C11orf65: variants seen among roughly 807,000 people sequenced by gnomAD.
C11orf65 encodes the protein protein MFI.
In C11orf65, 38 loss-of-function variants were observed where a neutral mutation model predicts 35.3. The ratio of observed to expected loss-of-function variants is 1.08; its 90% confidence interval spans 0.83 to 1.41. The LOEUF is 1.41. Ranked by LOEUF, C11orf65 falls within the 40% of genes most tolerant of loss-of-function variation. The pLI is 0.00. For synonymous variants in C11orf65, 105 were observed against 114.4 expected (o/e 0.92, Z 0.53); for missense variants, 370 against 367.1 (o/e 1.01, Z -0.06).
chr11:108,413,602 C>T (rs1004737724), intron 3 of C11orf65, among the ~76,000 whole-genome samples: 1 of 152,058 alleles, frequency 6.6e-6, no homozygotes, highest in Middle Eastern at 3.2e-3. Flanking sequence ...TGTCTTTTTC[C>T]AATTCTTAGA....
At chr11:108,464,516 C>T (rs958988688) in intron 1 of C11orf65, among the ~76,000 whole-genome samples, 3 of 152,238 alleles carry the variant, frequency 2.0e-5, no homozygotes, top group South Asian at 2.1e-4. Flanking sequence ...TGTGCACCAC[C>T]GTGCCCAGTT....
intron 6 of C11orf65, among the ~76,000 whole-genome samples, chr11:108,404,464 G>A (rs2092500145): frequency 6.6e-6 from 1 of 152,140 alleles, no homozygotes; most frequent in Non-Finnish European, 1.5e-5. Context: ...CTGGAGTGCA[G>A]TGGTGCGATC....
At chr11:108,364,110 GAT>G (rs1233724378) in intron 2 of C11orf65, among the ~76,000 whole-genome samples, 3 of 152,060 alleles carry the variant, frequency 2.0e-5, no homozygotes, top group African/African-American at 7.2e-5. Flanking sequence ...AAAATAGAGA[GAT>G]TTTGGTTCTG....
chr11:108,390,800 T>C (rs1230067820), intron 7 of C11orf65, among the ~76,000 whole-genome samples: 1 of 152,218 alleles, frequency 6.6e-6, no homozygotes, highest in African/African-American at 2.4e-5. Flanking sequence ...ATGCTGTCTA[T>C]AGGGAATCTC....
At chr11:108,379,275 T>G (rs375013335), downstream of C11orf65, among the ~76,000 whole-genome samples, 2 of 152,050 alleles carry the variant, frequency 1.3e-5, no homozygotes, top group African/African-American at 4.8e-5. Context: ...GGCACATATA[T>G]ACCATGGAAT....
intron 2 of C11orf65, among the ~76,000 whole-genome samples, chr11:108,374,889 A>G (rs137907263): frequency 6.6e-6 from 1 of 152,322 alleles, no homozygotes; most frequent in East Asian, 1.9e-4. Context: ...GGGTATCAGC[A>G]ATGGAAAATG....
intron 2 of C11orf65, among the ~76,000 whole-genome samples, chr11:108,439,560 G>A (rs993229210): frequency 6.6e-6 from 1 of 152,044 alleles, no homozygotes; most frequent in Non-Finnish European, 1.5e-5. Context: ...ACCAAAAAGT[G>A]GAAATAGCCC....
At chr11:108,316,335 A>G (rs1565500487) in intron 6 of C11orf65, among the ~76,000 whole-genome samples, 1 of 152,214 alleles carries the variant, frequency 6.6e-6, no homozygotes, top group Admixed American at 6.5e-5. Context: ...CAGACAGGTC[A>G]TTGACCTAAA....
chr11:108,436,029 T>C (rs996409680), intron 2 of C11orf65, among the ~76,000 whole-genome samples: 3 of 147,312 alleles, frequency 2.0e-5, no homozygotes, highest in African/African-American at 7.5e-5. Flanking sequence ...TCAGCAAGAG[T>C]GGTGTGATGA....
intron 3 of C11orf65, among the ~76,000 whole-genome samples, chr11:108,411,031 T>C (rs1459070074): frequency 6.6e-6 from 1 of 152,000 alleles, no homozygotes; most frequent in African/African-American, 2.4e-5. Flanking sequence ...CTTTCTTTGG[T>C]ATTAATTTGG....
At chr11:108,364,945 A>C in intron 2 of C11orf65, 1 of 900,748 alleles carries the variant, frequency 1.1e-6, no homozygotes, top group Non-Finnish European at 1.7e-6. Context: ...GGAAACATGA[A>C]GTGTGCATGA....
intron 2 of C11orf65, among the ~76,000 whole-genome samples, chr11:108,341,702 T>A (rs562139003): frequency 6.6e-6 from 1 of 152,172 alleles, no homozygotes; most frequent in East Asian, 1.9e-4. Flanking sequence ...CATTTTAATA[T>A]AAAGAACAAG....
chr11:108,442,872 T>C (rs12222950), intron 2 of C11orf65, among the ~76,000 whole-genome samples: 63,406 of 151,862 alleles, frequency 0.42, 13,618 homozygotes, highest in Middle Eastern at 0.65. Flanking sequence ...TGCAAAAACA[T>C]TGTAAAGACC....
At chr11:108,382,328 T>C (rs533737095), downstream of C11orf65, among the ~76,000 whole-genome samples, 1 of 152,126 alleles carries the variant, frequency 6.6e-6, no homozygotes, top group Admixed American at 6.5e-5. Context: ...TTGTATTGCA[T>C]GCAGAGTAGT....
intron 2 of C11orf65, among the ~76,000 whole-genome samples, chr11:108,364,602 A>T (rs1375315592): frequency 6.6e-6 from 1 of 152,166 alleles, no homozygotes; most frequent in Non-Finnish European, 1.5e-5. Context: ...TAGGGTGGAG[A>T]TCAGAATTTC....
intron 2 of C11orf65, among the ~76,000 whole-genome samples, chr11:108,349,788 C>T (rs2137163987): frequency 6.6e-6 from 1 of 152,130 alleles, no homozygotes; most frequent in Non-Finnish European, 1.5e-5. Flanking sequence ...AGGTTTAAAC[C>T]TGTTAGATAT....
rs370537345 is a variant in C11orf65, at chr11:108,320,002, A to G, written c.641-10931T>C. On this transcript the variant is annotated intron_variant, in intron 6 of 6. Transcript: ENST00000525729. ...ACCATGAATCATTGTACAATGCTCT[A>G]CAATCTCTAAGAGACAGAGAATTCT... 2.7e-5 allele frequency: 43 copies of G among 1,612,738 alleles called. No homozygotes were observed. Among genetic ancestry groups the G allele is most frequent in the Non-Finnish European group, 3.4e-5 (40 of 1,178,978 alleles).
At chr11:108,406,340 T>C (rs1345173087) in intron 5 of C11orf65, among the ~76,000 whole-genome samples, 4 of 152,216 alleles carry the variant, frequency 2.6e-5, no homozygotes, top group African/African-American at 9.6e-5. Flanking sequence ...GTTAGTTTGT[T>C]TTTTGAGACA....
At chr11:108,465,257 C>A (rs1045406011) in intron 1 of C11orf65, among the ~76,000 whole-genome samples, 1 of 152,158 alleles carries the variant, frequency 6.6e-6, no homozygotes, top group African/African-American at 2.4e-5. Context: ...TCTGCATACA[C>A]CTGCTTCCTG....
Sources: allele counts gnomAD v4.1 joint callset (sites outside exome capture counted in the v4.1 genomes callset), GRCh38; gene constraint gnomAD v4.1.1; transcripts MANE v1.5; gene names NCBI Gene and HGNC (gene_info 2026-07-23, HGNC 2026-07-21).